TRERF1: variants seen among roughly 807,000 people sequenced by gnomAD.
The protein encoded by TRERF1 is transcriptional-regulating factor 1.
Under a neutral mutation model 122.9 loss-of-function variants are expected in TRERF1, and 27 were observed. The ratio of observed to expected loss-of-function variants is 0.22; its 90% CI spans 0.16 to 0.30. TRERF1 has a LOEUF of 0.30. Ranked by LOEUF, TRERF1 falls within the 10% of genes least tolerant of loss-of-function variation. The probability of loss-of-function intolerance (pLI) is 1.00; values close to 1 mark genes in which losing one functional copy is unlikely to be tolerated. For synonymous variants in TRERF1, 636 were observed against 641.7 expected (o/e 0.99, Z 0.13); for missense variants, 1,248 against 1,560.3 (o/e 0.80, Z 3.37).
exon 18 of TRERF1, chr6:42,226,574 A>C (rs1769553729): frequency 6.6e-6 from 1 of 152,270 alleles, no homozygotes; most frequent in South Asian, 2.1e-4. Context: ...GATGTAGGAA[A>C]ACGCCAAGAC....
At chr6:42,277,365 A>T (rs1207255227) in intron 4 of TRERF1, among the ~76,000 whole-genome samples, 1 of 151,866 alleles carries the variant, frequency 6.6e-6, no homozygotes, top group Non-Finnish European at 1.5e-5. Context: ...CCACCCTGTG[A>T]GGCCTGGGGT....
intron 2 of TRERF1, among the ~76,000 whole-genome samples, chr6:42,371,738 A>C (rs1310263760): frequency 6.6e-6 from 1 of 152,132 alleles, no homozygotes; most frequent in Non-Finnish European, 1.5e-5. Context: ...CTGTCCTATA[A>C]GAAAGAAGCC....
intron 4 of TRERF1, among the ~76,000 whole-genome samples, chr6:42,298,710 C>T (rs1185587330): frequency 2.0e-5 from 3 of 151,158 alleles, no homozygotes. Flanking sequence ...GAGGCCGAGA[C>T]GGGTGGATCA....
In TRERF1 at chr6:42,414,704, G is replaced by A. The variant is rs761021837; in HGVS notation, c.-454+36473C>T. Among the ~76,000 whole-genome samples, 131 of 152,178 alleles carry A rather than the reference G, an allele frequency of 8.6e-4. 1 individual carries two copies. Among genetic ancestry groups the A allele is most frequent in the Non-Finnish European group, 1.7e-3 (118 of 68,026 alleles). ...CTCACCAATTATTCAGCCACATTAT[G>A]TGCAATGCACTCCGTTATCTTCTAT... On this transcript the variant is annotated intron_variant, in intron 2 of 17. Coordinates refer to ENST00000372922, the Ensembl canonical transcript of TRERF1.
chr6:42,260,587 C>G (rs9381163), intron 8 of TRERF1, among the ~76,000 whole-genome samples: 71,006 of 151,930 alleles, frequency 0.47, 17,421 homozygotes, highest in South Asian at 0.62. Context: ...AAGTCGAGAG[C>G]TGGGTGTGGC....
intron 2 of TRERF1, among the ~76,000 whole-genome samples, chr6:42,414,877 A>G (rs1363753203): frequency 1.3e-5 from 2 of 152,256 alleles, no homozygotes; most frequent in Non-Finnish European, 2.9e-5. Context: ...ATAATGTCCA[A>G]TGAACATTGT....
At chr6:42,351,002 A>AAC (rs140072376) in intron 3 of TRERF1, among the ~76,000 whole-genome samples, 2,108 of 149,742 alleles carry the variant, frequency 0.014, 23 homozygotes, top group African/African-American at 0.026. Context: ...CACACACACA[A>AAC]ACACACACAC....
intron 17 of TRERF1, among the ~76,000 whole-genome samples, chr6:42,230,197 G>A (rs956456357): frequency 1.3e-5 from 2 of 152,048 alleles, no homozygotes; most frequent in Non-Finnish European, 2.9e-5. Context: ...CACTGAAAAT[G>A]GTTAAATGTA....
intron 3 of TRERF1, among the ~76,000 whole-genome samples, chr6:42,362,326 C>T (rs1417292702): frequency 6.6e-6 from 1 of 152,244 alleles, no homozygotes; most frequent in Non-Finnish European, 1.5e-5. Context: ...AAACCACACA[C>T]ACCGAAATAA....
intron 2 of TRERF1, among the ~76,000 whole-genome samples, chr6:42,438,801 G>A (rs564957502): frequency 6.6e-6 from 1 of 152,270 alleles, no homozygotes; most frequent in East Asian, 1.9e-4. Context: ...ACAGAAGGCT[G>A]AGACCCCAGG....
chr6:42,301,166 T>TACA (rs1786104390), intron 3 of TRERF1, among the ~76,000 whole-genome samples: 2 of 152,244 alleles, frequency 1.3e-5, no homozygotes, highest in Non-Finnish European at 2.9e-5. Flanking sequence ...AGCTTACAGG[T>TACA]GCCTTGGCAT....
At chr6:42,294,697 G>A (rs1383028610) in intron 4 of TRERF1, among the ~76,000 whole-genome samples, 1 of 152,040 alleles carries the variant, frequency 6.6e-6, no homozygotes, top group Non-Finnish European at 1.5e-5. Context: ...CTCTATACCC[G>A]CAATAACCCT....
At chr6:42,386,376 G>A (rs34884229) in intron 2 of TRERF1, among the ~76,000 whole-genome samples, 1 of 152,208 alleles carries the variant, frequency 6.6e-6, no homozygotes, top group Non-Finnish European at 1.5e-5. Context: ...CCAAGAGGCA[G>A]AGGGTGCAGT....
chr6:42,398,283 A>G (rs1037173911), intron 2 of TRERF1, among the ~76,000 whole-genome samples: 6 of 152,206 alleles, frequency 3.9e-5, no homozygotes, highest in African/African-American at 1.2e-4. Context: ...AGGTCTGAAC[A>G]TTTTGCAAAA....
At chr6:42,281,913 A>G in intron 4 of TRERF1, among the ~76,000 whole-genome samples, 1 of 152,076 alleles carries the variant, frequency 6.6e-6, no homozygotes, top group Admixed American at 6.6e-5. Flanking sequence ...ACCTTTAACT[A>G]CCTTACCAAC....
At chr6:42,295,424 C>T (rs530585368) in intron 4 of TRERF1, among the ~76,000 whole-genome samples, 5 of 152,252 alleles carry the variant, frequency 3.3e-5, no homozygotes, top group Admixed American at 6.5e-5. Flanking sequence ...AAATGTTAGC[C>T]GCAGGACTTC....
chr6:42,362,567 G>C (rs1771971973), intron 3 of TRERF1, among the ~76,000 whole-genome samples: 1 of 152,246 alleles, frequency 6.6e-6, no homozygotes, highest in South Asian at 2.1e-4. Flanking sequence ...GGCCAGACCT[G>C]ATAAAAACGC....
In TRERF1 at chr6:42,263,273, G is replaced by A. The variant is rs527408094; in HGVS notation, c.1884+47C>T. 10 of 1,558,780 alleles carry A rather than the reference G, an allele frequency of 6.4e-6. No homozygotes were observed. Among genetic ancestry groups the A allele is most frequent in the African/African-American group, 1.4e-5 (1 of 73,778 alleles). Reference sequence around the variant, plus strand: ...GCAGCAACTCACAGCAGGCGTGCGGGGGGCAGCCCCTTGGGGTGAGTGTGG... The same window carrying A: ...GCAGCAACTCACAGCAGGCGTGCGGAGGGCAGCCCCTTGGGGTGAGTGTGG... On this transcript the variant is annotated intron_variant, in intron 8 of 17. Transcript: ENST00000372922. This position sits in a 1 kb window ranked among gnomAD's most constrained non-coding sequence, Gnocchi z 5.6.
chr6:42,332,563 A>G (rs553824524), intron 3 of TRERF1, among the ~76,000 whole-genome samples: 27 of 152,170 alleles, frequency 1.8e-4, no homozygotes, highest in Non-Finnish European at 3.2e-4. Context: ...CTATTCCTTG[A>G]TGGAAGGGAT....
Sources: allele counts gnomAD v4.1 joint callset (sites outside exome capture counted in the v4.1 genomes callset), GRCh38; gene constraint gnomAD v4.1.1; non-coding constraint Gnocchi (gnomAD v3.1); transcripts MANE v1.5; gene names NCBI Gene and HGNC (gene_info 2026-07-23, HGNC 2026-07-21).